Variants in PROS1 observed in about 807,000 individuals in gnomAD.
PROS1 encodes the protein vitamin K-dependent protein S.
PROS1 carries 29 observed loss-of-function variants against 75.9 expected under a neutral mutation model. That is an observed-to-expected ratio of 0.38 (90% CI 0.28 to 0.52). The LOEUF (loss-of-function observed/expected upper bound fraction) is 0.52. Ranked by LOEUF, PROS1 falls within the 20% of genes least tolerant of loss-of-function variation. PROS1 has a pLI of 0.83. For missense variants in PROS1, 680 were observed against 810.3 expected, an observed-to-expected ratio of 0.84 and a Z score of 1.95; for synonymous variants, 245 against 280.6, an observed-to-expected ratio of 0.87 and a Z score of 1.27.
Position 93,873,876 on chromosome 3 carries a change from G to A in PROS1, c.*369C>T, listed in dbSNP as rs535034037. 6.4e-5 allele frequency: 15 copies of A among 235,364 alleles called. No homozygotes were observed. In the East Asian group the frequency reaches 1.4e-3, roughly 22 times the overall value. The allele number at this position is 235,364 out of a possible 1,614,324, so 14.6% of individuals were successfully genotyped here. On this transcript the variant is annotated 3_prime_UTR_variant, in exon 15 of 15. Transcript: ENST00000394236. ...TATGATTAATAGTATTTAATTACAC[G>A]CACTTTTGTTTGAGTTTACTTCCTT...
intron 6 of PROS1, among the ~76,000 whole-genome samples, chr3:93,903,316 A>G (rs974892260): frequency 5.3e-5 from 8 of 152,178 alleles, no homozygotes; most frequent in African/African-American, 1.9e-4. Context: ...ATTTACACAT[A>G]TATATGTGTA....
intron 1 of PROS1, among the ~76,000 whole-genome samples, chr3:93,969,394 C>T (rs902833939): frequency 1.3e-5 from 2 of 152,100 alleles, no homozygotes; most frequent in Non-Finnish European, 2.9e-5. Context: ...GTTAGACAGC[C>T]AATAATTAGA....
At chr3:93,940,119 C>G (rs1709259506) in intron 1 of PROS1, among the ~76,000 whole-genome samples, 1 of 152,226 alleles carries the variant, frequency 6.6e-6, no homozygotes, top group African/African-American at 2.4e-5. Context: ...ATGCCCGCAG[C>G]CCGGGATACC....
At chr3:93,950,777 C>T (rs989098517) in intron 1 of PROS1, among the ~76,000 whole-genome samples, 2 of 152,220 alleles carry the variant, frequency 1.3e-5, no homozygotes, top group Non-Finnish European at 2.9e-5. Flanking sequence ...CAGAGCTCCT[C>T]TTCTCCTCCA....
At chr3:93,938,606 C>T (rs913180197) in intron 1 of PROS1, among the ~76,000 whole-genome samples, 1 of 152,206 alleles carries the variant, frequency 6.6e-6, no homozygotes. Context: ...TTTTCACTCT[C>T]TTCTCCAGCC....
chr3:93,902,982 T>C (rs1477536832), intron 6 of PROS1, among the ~76,000 whole-genome samples: 1 of 151,604 alleles, frequency 6.6e-6, no homozygotes, highest in African/African-American at 2.4e-5. Context: ...TTCTCCTGCC[T>C]CAGCCTCCGG....
chr3:93,938,426 C>A (rs1406878812), intron 1 of PROS1, among the ~76,000 whole-genome samples: 2 of 152,174 alleles, frequency 1.3e-5, no homozygotes, highest in Non-Finnish European at 2.9e-5. Context: ...GGTCTCTTCA[C>A]ACGGACGCAC....
chr3:93,910,104 T>C (rs1237384574), intron 4 of PROS1, among the ~76,000 whole-genome samples: 1 of 152,186 alleles, frequency 6.6e-6, no homozygotes, highest in African/African-American at 2.4e-5. Context: ...GATTGCACCA[T>C]TTGCTTTTAC....
At chr3:93,931,252 C>CA (rs2107209391) in intron 1 of PROS1, among the ~76,000 whole-genome samples, 3 of 152,254 alleles carry the variant, frequency 2.0e-5, no homozygotes, top group Admixed American at 2.0e-4. Context: ...CCCCTTAGCC[C>CA]AGTGCTCTTT....
chr3:93,945,965 A>G (rs1263236167), intron 1 of PROS1, among the ~76,000 whole-genome samples: 3 of 152,232 alleles, frequency 2.0e-5, no homozygotes, highest in Non-Finnish European at 2.9e-5. Context: ...GCAAAGTCTC[A>G]GGATACAAAA....
At chr3:93,942,175 C>T (rs1709298744) in intron 1 of PROS1, among the ~76,000 whole-genome samples, 1 of 152,100 alleles carries the variant, frequency 6.6e-6, no homozygotes, top group Non-Finnish European at 1.5e-5. Flanking sequence ...TAGTATCTTC[C>T]ACATCTATCA....
chr3:93,902,146 AAG>A (rs1053868458), intron 6 of PROS1, among the ~76,000 whole-genome samples: 4 of 151,978 alleles, frequency 2.6e-5, no homozygotes, highest in Non-Finnish European at 5.9e-5. Flanking sequence ...AAAAAAGGAA[AAG>A]AGAAAAAAAT....
intron 6 of PROS1, among the ~76,000 whole-genome samples, chr3:93,904,100 A>G (rs932583156): frequency 9.9e-5 from 15 of 151,820 alleles, no homozygotes; most frequent in African/African-American, 3.4e-4. Context: ...TTTACTGAGA[A>G]TGATGATTTC....
chr3:93,927,589 G>A (rs1281538120), intron 1 of PROS1, among the ~76,000 whole-genome samples, 182 bp from the exon 2 acceptor site: 1 of 151,930 alleles, frequency 6.6e-6, no homozygotes, highest in Non-Finnish European at 1.5e-5. Context: ...TTCAGAGAGC[G>A]GGTTTGGTGT....
intron 1 of PROS1, among the ~76,000 whole-genome samples, chr3:93,939,455 C>A (rs1709245136): frequency 6.6e-6 from 1 of 152,122 alleles, no homozygotes; most frequent in South Asian, 2.1e-4. Flanking sequence ...TGCTCCCCGC[C>A]AGGCTGAATC....
At chr3:93,949,151 G>A (rs562385506) in intron 1 of PROS1, among the ~76,000 whole-genome samples, 1 of 152,006 alleles carries the variant, frequency 6.6e-6, no homozygotes, top group East Asian at 1.9e-4. Flanking sequence ...TCTCAGTAAG[G>A]GCCAGGACCA....
chr3:93,947,761 G>A (rs748797075), intron 1 of PROS1, among the ~76,000 whole-genome samples: 7 of 151,902 alleles, frequency 4.6e-5, no homozygotes, highest in Admixed American at 2.6e-4. Flanking sequence ...TAGAGATGGG[G>A]TTTCACCGTG....
intron 13 of PROS1, 57 bp downstream of exon 13, chr3:93,879,106 T>A: frequency 1.3e-6 from 2 of 1,508,114 alleles, no homozygotes; most frequent in Non-Finnish European, 1.8e-6. Flanking sequence ...CTGCTATGTA[T>A]ACATTTTAAA....
rs556611584 is a variant in PROS1, at chr3:93,951,819, G to T, written c.76+21855C>A. ...ATAAAGAGTTAAGACCCATCAGTGTGCTGTATTCAGGAGACCAATCTCATG... is the reference window on the plus strand; with the variant it reads ...ATAAAGAGTTAAGACCCATCAGTGTTCTGTATTCAGGAGACCAATCTCATG... On this transcript the variant is annotated intron_variant, in intron 1 of 14. Transcript: ENST00000394236. Among the ~76,000 whole-genome samples the T allele has an allele frequency of 1.6e-4, 25 of 152,332 alleles. No individual in the cohort carries two copies. The South Asian group carries it at 5.2e-3, about 32-fold the overall frequency.
Sources: gnomAD v4.1 joint callset for allele counts (sites outside exome capture counted in the v4.1 genomes callset) on GRCh38, gnomAD v4.1.1 for gene constraint, MANE v1.5 for transcripts, NCBI Gene and HGNC (gene_info 2026-07-23, HGNC 2026-07-21) for gene names.